Variants in NFATC2 observed in about 807,000 individuals in gnomAD.
The protein encoded by NFATC2 is nuclear factor of activated T cells 2.
A neutral mutation model predicts 87.3 loss-of-function variants in NFATC2; 22 were observed. The ratio of observed to expected loss-of-function variants is 0.25; its 90% confidence interval spans 0.18 to 0.36. The LOEUF (loss-of-function observed/expected upper bound fraction) is 0.36. Among genes scored for constraint, NFATC2 ranks in the 10% least tolerant of loss-of-function variants. The pLI is 1.00. For synonymous variants in NFATC2, 565 were observed against 542.2 expected, an observed-to-expected ratio of 1.04 and a Z score of -0.58; for missense variants, 1,149 against 1,259.1, an observed-to-expected ratio of 0.91 and a Z score of 1.32.
chr20:51,465,246 G>T (rs1987561752), intron 5 of NFATC2, among the ~76,000 whole-genome samples: 1 of 152,102 alleles, frequency 6.6e-6, no homozygotes, highest in African/African-American at 2.4e-5. Flanking sequence ...AAATTAGCCA[G>T]GTGGCCTCCT....
At chr20:51,540,651 TTTTTTTG>T (rs1367704343) in intron 1 of NFATC2, among the ~76,000 whole-genome samples, 5 of 126,568 alleles carry the variant, frequency 4.0e-5, no homozygotes, top group Admixed American at 1.5e-4. Context: ...ACTGAAGTTT[TTTTTTTG>T]TTTTTTTTTT....
At chr20:51,560,778 G>A (rs1208394960) in intron 1 of NFATC2, among the ~76,000 whole-genome samples, 1 of 151,906 alleles carries the variant, frequency 6.6e-6, no homozygotes, top group Non-Finnish European at 1.5e-5. Flanking sequence ...GCACGCATGA[G>A]CATGGGCTGG....
At chr20:51,440,711 G>A (rs1984210619) in intron 6 of NFATC2, among the ~76,000 whole-genome samples, 1 of 152,190 alleles carries the variant, frequency 6.6e-6, no homozygotes, top group South Asian at 2.1e-4. Context: ...CTCATGGAAG[G>A]TCTGCACTCG....
intron 5 of NFATC2, among the ~76,000 whole-genome samples, chr20:51,467,981 A>G (rs1351596169): frequency 6.6e-6 from 1 of 152,252 alleles, no homozygotes; most frequent in Non-Finnish European, 1.5e-5. Context: ...CTCAGCAATA[A>G]TTAGGAATGC....
Position 51,542,446 on chromosome 20 carries a change from G to C in NFATC2, c.54C>G (p.His18Gln), listed in dbSNP as rs767060010. 5.7e-6 allele frequency: 9 copies of C among 1,580,336 alleles called. No homozygotes were observed. Among genetic ancestry groups the C allele is most frequent in the Admixed American group, 3.6e-5 (2 of 54,938 alleles). ...CGTCTTGGGGGCTGCCCCCAGGCTC[G>C]TGGCCTGGGGCGTCCCCGCCGTCGG... ...PQPDGGDAPG[H>Q]EPGGSPQDEL... The change falls in exon 1 of 11, where the codon CAC (histidine) becomes CAG (glutamine). Residue 18 changes from histidine to glutamine, a missense_variant. His to Gln is a conservative substitution (Grantham distance 24). Around this residue, in one of 3 missense-constraint regions of NFATC2, gnomAD observed 563 missense variants for 585.2 expected, o/e 0.96. Transcript: ENST00000371564.
intron 1 of NFATC2, among the ~76,000 whole-genome samples, chr20:51,540,663 T>TTTTTTTTTTTG (rs1555818354): frequency 7.4e-6 from 1 of 135,692 alleles, no homozygotes; most frequent in East Asian, 2.3e-4. Context: ...TTTTTGTTTT[T>TTTTTTTTTTTG]TTTTTTTTGA....
chr20:51,394,448 T>C (rs912860860), intron 10 of NFATC2, among the ~76,000 whole-genome samples: 3 of 152,102 alleles, frequency 2.0e-5, no homozygotes, highest in East Asian at 1.9e-4. Context: ...GGTAGCATCA[T>C]GTTTTCCCCA....
At chr20:51,501,168 A>T (rs2076084060) in intron 3 of NFATC2, among the ~76,000 whole-genome samples, 1 of 151,818 alleles carries the variant, frequency 6.6e-6, no homozygotes, top group African/African-American at 2.4e-5. Flanking sequence ...AGCAGACAAC[A>T]CTTCCTCTAT....
chr20:51,547,755 G>A (rs1270716550), intron 1 of NFATC2, among the ~76,000 whole-genome samples: 1 of 152,132 alleles, frequency 6.6e-6, no homozygotes, highest in Non-Finnish European at 1.5e-5. Flanking sequence ...ACCAAAGAGT[G>A]GTTCTTGAGT....
intron 6 of NFATC2, among the ~76,000 whole-genome samples, chr20:51,441,097 A>T (rs6013186): frequency 0.32 from 49,205 of 151,906 alleles, 9,563 homozygotes; most frequent in African/African-American, 0.54. Context: ...AGCCTGGCCA[A>T]CGTGGCGAAA....
At chr20:51,506,340 T>C (rs1200301964) in intron 3 of NFATC2, among the ~76,000 whole-genome samples, 2 of 152,180 alleles carry the variant, frequency 1.3e-5, no homozygotes, top group East Asian at 1.9e-4. Context: ...GCTTGTCAGA[T>C]AGTAAGTGCT....
intron 10 of NFATC2, among the ~76,000 whole-genome samples, chr20:51,397,033 G>GTAGCATAGCTGGGATTACA (rs71192525): frequency 2.0e-5 from 3 of 151,580 alleles, no homozygotes; most frequent in East Asian, 3.9e-4. Flanking sequence ...AACCTCCTAA[G>GTAGCATAGCTGGGATTACA]GGAACCTGCC....
intron 2 of NFATC2, among the ~76,000 whole-genome samples, chr20:51,518,596 A>G (rs1395756556): frequency 6.6e-6 from 1 of 152,188 alleles, no homozygotes; most frequent in Non-Finnish European, 1.5e-5. Context: ...AATATCGAAA[A>G]TGGATTCAAA....
chr20:51,447,468 G>A (rs74631203), intron 6 of NFATC2, among the ~76,000 whole-genome samples: 6 of 152,242 alleles, frequency 3.9e-5, no homozygotes, highest in African/African-American at 7.2e-5. Flanking sequence ...TTTACCAGCC[G>A]AAAAATTCCA....
chr20:51,526,871 T>A lies in NFATC2; in HGVS notation c.131-2761A>T, dbSNP rs557916170. ...GCCTGCATTCACTCTCTCCCCTCCCTCTCTCTGAACTCCAGCCAAAGGGGA... is the reference window on the plus strand; with the variant it reads ...GCCTGCATTCACTCTCTCCCCTCCCACTCTCTGAACTCCAGCCAAAGGGGA... On this transcript the variant is annotated intron_variant, in intron 1 of 10. Transcript: ENST00000371564. 3.9e-5 allele frequency among the ~76,000 whole-genome samples: 6 copies of A among 152,186 alleles called. 1 individual carries two copies. The highest frequency in any genetic ancestry group is 8.8e-5 in the Non-Finnish European group (6 of 67,988).
chr20:51,413,149 G>A (rs1979533587), intron 9 of NFATC2, among the ~76,000 whole-genome samples: 1 of 151,898 alleles, frequency 6.6e-6, no homozygotes, highest in Admixed American at 6.6e-5. Flanking sequence ...ACTGCTGGCT[G>A]GAGGTGAGAA....
chr20:51,532,322 C>T (rs2076646666), intron 1 of NFATC2, among the ~76,000 whole-genome samples: 1 of 152,064 alleles, frequency 6.6e-6, no homozygotes, highest in Non-Finnish European at 1.5e-5. Flanking sequence ...GGCTCCTCCA[C>T]CCCCCTAACC....
At chr20:51,398,887 T>A (rs1398085795) in intron 9 of NFATC2, 157 bp from the exon 10 acceptor site, 7 of 615,614 alleles carry the variant, frequency 1.1e-5, no homozygotes, top group African/African-American at 1.8e-5. Context: ...TCTTAGCATT[T>A]GTGCCAGAAT....
chr20:51,538,869 C>T lies in NFATC2; in HGVS notation c.130+3501G>A, dbSNP rs144536271. On this transcript the variant is annotated intron_variant, in intron 1 of 10. Transcript: ENST00000371564. Reference sequence around the variant, plus strand: ...AGATGAGATGACTTGCTCAAGATCACCTTGTTGGTAAACAAGGTTTTCAAT... The same window carrying T: ...AGATGAGATGACTTGCTCAAGATCATCTTGTTGGTAAACAAGGTTTTCAAT... Among the ~76,000 whole-genome samples the T allele has an allele frequency of 4.9e-3, 741 of 152,282 alleles. 2 individuals carry two copies. The highest frequency in any genetic ancestry group is 0.02 in the Middle Eastern group (6 of 294).
Sources: allele counts gnomAD v4.1 joint callset (sites outside exome capture counted in the v4.1 genomes callset), GRCh38; gene constraint gnomAD v4.1.1; regional missense constraint gnomAD v4.1.1; transcripts MANE v1.5; gene names NCBI Gene and HGNC (gene_info 2026-07-23, HGNC 2026-07-21).